Variants in ZNF311 observed in about 807,000 individuals in gnomAD.
ZNF311 encodes zinc finger protein zfp31.
Under a neutral mutation model 22.7 loss-of-function variants are expected in ZNF311, and 14 were observed. That is an observed-to-expected ratio of 0.62 (90% CI 0.41 to 0.96). ZNF311 has a LOEUF of 0.96. ZNF311 is among the 40% of genes least tolerant of loss of function. The pLI is 0.00. For synonymous variants in ZNF311, 250 were observed against 275.3 expected (o/e 0.91, Z 0.91); for missense variants, 731 against 799.0 (o/e 0.91, Z 1.03).
At position 29,003,577 on chromosome 6, in the gene ZNF311, C is replaced by G. The variant is rs1284798216; in HGVS notation, c.27G>C (p.Glu9Asp). ...GCAGCTGGCTTGGTGGTCCTGAACT[C>G]TCATCCAACAGCACAACCTATTGCA... Reference protein sequence around the residue: MQEVVLLDESSGPPSQLLW... With the variant: MQEVVLLDDSSGPPSQLLW... The change falls in exon 3 of 7, where the codon GAG becomes GAC. Residue 9 changes from glutamate to aspartate, a missense_variant. Transcript: ENST00000377179. 3 of 1,612,890 alleles carry G rather than the reference C, an allele frequency of 1.9e-6. No homozygotes were observed. The highest frequency in any genetic ancestry group is 2.2e-5 in the South Asian group (2 of 91,084).
chr6:28,998,640 G>T, intron 6 of ZNF311, 94 bp downstream of exon 6: 5 of 795,858 alleles, frequency 6.3e-6, no homozygotes, highest in African/African-American at 1.8e-5. Flanking sequence ...TCCTTTCTGG[G>T]CCCTTCGACT....
In ZNF311 at chr6:28,995,539, G is replaced by T; in HGVS notation, c.1463C>A (p.Ala488Asp). 4 of 1,613,562 alleles carry T rather than the reference G, an allele frequency of 2.5e-6. No individual in the cohort carries two copies. The highest frequency in any genetic ancestry group is 3.4e-6 in the Non-Finnish European group (4 of 1,179,986). Reference protein sequence around the residue: ...KAFRHNCKRRAHEREHTGEKP... With the variant: ...KAFRHNCKRRDHEREHTGEKP... ...CTCCCCTGTATGCTCTCGTTCATGA[G>T]CCCTGCGCTTACAGTTATGACGAAA... Residue 488 changes from alanine (A) to aspartate (D), a missense_variant, in exon 7 of 7, where the codon GCT (alanine) becomes GAT (aspartate). By Grantham distance (126) the Ala-to-Asp change is moderately radical. Coordinates refer to ENST00000377179, the MANE Select transcript of ZNF311 (RefSeq NM_001382360.1). The surrounding 1 kb of genome is among the most constrained non-coding windows in gnomAD (Gnocchi z 4.7).
chr6:29,003,721 A>G, intron 2 of ZNF311, 127 bp from the exon 3 acceptor site: 2 of 1,410,658 alleles, frequency 1.4e-6, no homozygotes, highest in Non-Finnish European at 9.9e-7. Flanking sequence ...GAAGGGAGAA[A>G]ATAATGGACT....
In ZNF311 at chr6:28,998,728, A is replaced by C. The variant is rs1189034434; in HGVS notation, c.415+6T>G. The C allele has an allele frequency of 6.3e-7, 1 of 1,596,572 alleles. No individual in the cohort carries two copies. The highest frequency in any genetic ancestry group is 1.1e-5 in the South Asian group (1 of 89,866). Reference sequence around the variant, plus strand: ...AGAGGGAACTGAAAGTTTCTCTATTACTCACCTGGGTAGGAGCAGCTTAGG... The same window carrying C: ...AGAGGGAACTGAAAGTTTCTCTATTCCTCACCTGGGTAGGAGCAGCTTAGG... On this transcript the variant is annotated splice_donor_region_variant and intron_variant, in intron 6 of 6. Transcript: ENST00000377179.
intron 6 of ZNF311, among the ~76,000 whole-genome samples, chr6:28,997,952 C>T (rs1042183800): frequency 3.3e-5 from 5 of 152,122 alleles, no homozygotes; most frequent in South Asian, 4.1e-4. Context: ...AAAAAACAGA[C>T]GTCATATCAT....
chr6:28,996,618 A>G (rs764911756), intron 6 of ZNF311, 32 bp from the exon 7 acceptor site: 3 of 1,553,388 alleles, frequency 1.9e-6, no homozygotes, highest in Non-Finnish European at 2.6e-6. Flanking sequence ...GTCAGAGGGA[A>G]GGAAATAAGT....
chr6:28,995,565 G>A lies in ZNF311; in HGVS notation c.1437C>T (p.Ala479=). ...KRYRCEECGK[A]FRHNCKRRAH... is the part of the protein sequence containing the mutation. ...CCCTGCGCTTACAGTTATGACGAAA[G>A]GCTTTCCCACACTCCTCACACCTGT... Residue 479 remains alanine (A), a synonymous_variant, in exon 7 of 7, where the codon GCC becomes GCT. Transcript: ENST00000377179. This position sits in a 1 kb window ranked among gnomAD's most constrained non-coding sequence, Gnocchi z 4.7. 2 of 1,613,584 alleles carry A rather than the reference G, an allele frequency of 1.2e-6. No homozygotes were observed. Among genetic ancestry groups the A allele is most frequent in the South Asian group, 1.1e-5 (1 of 91,072 alleles).
At chr6:28,998,930 T>C (rs1297391681) in intron 5 of ZNF311, 92 bp from the exon 6 acceptor site, 2 of 788,682 alleles carry the variant, frequency 2.5e-6, no homozygotes, top group Non-Finnish European at 4.0e-6. Context: ...TGTTTGTATA[T>C]GAAAACAGGA....
Position 28,998,843 on chromosome 6 carries a change from T to C in ZNF311, c.311-5A>G. The C allele has an allele frequency of 1.2e-6, 2 of 1,607,990 alleles. No individual in the cohort carries two copies. The highest frequency in any genetic ancestry group is 1.7e-6 in the Non-Finnish European group (2 of 1,175,630). ...GAGGTTTAGGAAATGGAAATCCTGG[T>C]TGCAGAGAAGAAATAAGTGTGTAGA... On this transcript the variant is annotated splice_region_variant and splice_polypyrimidine_tract_variant and intron_variant, in intron 5 of 6. Coordinates refer to ENST00000377179, the MANE Select transcript of ZNF311 (RefSeq NM_001382360.1).
chr6:28,998,482 G>A (rs938955860), intron 6 of ZNF311, among the ~76,000 whole-genome samples: 35 of 152,176 alleles, frequency 2.3e-4, no homozygotes, highest in African/African-American at 8.4e-4. Flanking sequence ...ATGAGCTACT[G>A]TGCCCAGCCT....
rs755196718 is a variant in ZNF311, at chr6:28,999,547, C to T, written c.250G>A (p.Ala84Thr). ...ACATCCTTATAGAGATGCCTTTGAG[C>T]GTAGGTCAGACACTGCCACTCCCTG... is the stretch of plus-strand genomic sequence containing the variant. ...TNREWQCLTY[A>T]QRHLYKDVML... Residue 84 changes from alanine (A) to threonine (T), a missense_variant, in exon 5 of 7, where the codon GCT (alanine) becomes ACT (threonine). Ala to Thr is a moderately conservative substitution (Grantham distance 58). Coordinates refer to ENST00000377179, the MANE Select transcript of ZNF311 (RefSeq NM_001382360.1). The T allele has an allele frequency of 2.4e-5, 39 of 1,613,490 alleles. No individual in the cohort carries two copies. In the African/African-American group the frequency reaches 2.7e-4, roughly 11 times the overall value.
In ZNF311 at chr6:28,999,506, A is replaced by G; in HGVS notation, c.291T>C (p.Tyr97=). 1 of 1,611,982 alleles carries G rather than the reference A, an allele frequency of 6.2e-7. No homozygotes were observed. The highest frequency in any genetic ancestry group is 8.5e-7 in the Non-Finnish European group (1 of 1,179,496). Residue 97 remains tyrosine (Y), a synonymous_variant, in exon 5 of 7, where the codon TAT becomes TAC. Transcript: ENST00000377179. Reference sequence around the variant, plus strand: ...CCTTACCAAGTGATACCATGTTCCCATAATTTTCCAACATCACATCCTTAT... The same window carrying G: ...CCTTACCAAGTGATACCATGTTCCCGTAATTTTCCAACATCACATCCTTAT... ...HLYKDVMLEN[Y]GNMVSLGFPF...
intron 1 of ZNF311, 29 bp from the exon 2 acceptor site, chr6:29,004,243 A>C: frequency 7.3e-7 from 1 of 1,364,060 alleles, no homozygotes. Flanking sequence ...GAAAAGAGGA[A>C]TGTGACCACA....
chr6:28,998,856 A>T lies in ZNF311; in HGVS notation c.311-18T>A. On this transcript the variant is annotated intron_variant, in intron 5 of 6. Transcript: ENST00000377179. ...TGGAAATCCTGGTTGCAGAGAAGAA[A>T]TAAGTGTGTAGAGTAACTTATAACT... 1 of 1,575,340 alleles carries T rather than the reference A, an allele frequency of 6.3e-7. No individual in the cohort carries two copies. The highest frequency in any genetic ancestry group is 8.7e-7 in the Non-Finnish European group (1 of 1,146,146).
chr6:29,001,451 C>T (rs1426828575), intron 3 of ZNF311, among the ~76,000 whole-genome samples: 1 of 152,182 alleles, frequency 6.6e-6, no homozygotes, highest in Non-Finnish European at 1.5e-5. Context: ...TGGTTCCATA[C>T]AGTTTTTCCA....
rs1253522518 is a variant in ZNF311, at chr6:29,003,941, C to T, written c.9+5G>A. ...GTGATGTATCACAGACCCTCCTCTT[C>T]TTACCTCCTGCATCTTTTTACTCAG... On this transcript the variant is annotated splice_donor_5th_base_variant and intron_variant, in intron 2 of 6. Transcript: ENST00000377179. 3 of 1,612,782 alleles carry T rather than the reference C, an allele frequency of 1.9e-6. No individual in the cohort carries two copies. Among genetic ancestry groups the T allele is most frequent in the African/African-American group, 2.7e-5 (2 of 74,934 alleles).
At chr6:28,998,959 T>A (rs1780027064) in intron 5 of ZNF311, 121 bp from the exon 6 acceptor site, 3 of 637,966 alleles carry the variant, frequency 4.7e-6, no homozygotes, top group Non-Finnish European at 7.7e-6. Context: ...TTAATTTAGA[T>A]AGAGAAAAGG....
chr6:28,998,614 G>A (rs1779967580), intron 6 of ZNF311, 120 bp downstream of exon 6: 2 of 660,908 alleles, frequency 3.0e-6, no homozygotes, highest in East Asian at 2.7e-5. Context: ...TTTTCCTTAA[G>A]TTTCCTAAAT....
chr6:29,003,738 C>T (rs576322484), intron 2 of ZNF311, 144 bp from the exon 3 acceptor site: 1 of 1,403,018 alleles, frequency 7.1e-7, no homozygotes, highest in Non-Finnish European at 9.9e-7. Context: ...GACTCAGTTC[C>T]TAATACCTTA....
Sources: allele counts gnomAD v4.1 joint callset (sites outside exome capture counted in the v4.1 genomes callset), GRCh38; gene constraint gnomAD v4.1.1; non-coding constraint Gnocchi (gnomAD v3.1); transcripts MANE v1.5; gene names NCBI Gene and HGNC (gene_info 2026-07-23, HGNC 2026-07-21).